The following CAST variants were observed in gnomAD, a reference collection of about 807,000 sequenced individuals.
The protein encoded by CAST is calpastatin.
CAST carries 76 observed loss-of-function variants against 119.6 expected under a neutral mutation model. The ratio of observed to expected loss-of-function variants is 0.64; its 90% CI spans 0.53 to 0.77. CAST has a LOEUF of 0.77. CAST is among the 30% of genes least tolerant of loss of function. CAST has a pLI of 0.00. For missense variants in CAST, 953 were observed against 946.5 expected, an observed-to-expected ratio of 1.01 and a Z score of -0.09; for synonymous variants, 319 against 331.6, an observed-to-expected ratio of 0.96 and a Z score of 0.41.
At chr5:95,965,157 G>A in the CAST span, 1 of 152,254 alleles carries the variant, frequency 6.6e-6, no homozygotes, top group Admixed American at 6.5e-5. Context: ...GAGCTGGGAG[G>A]TTTAAAGGGC....
the CAST span, chr5:96,421,793 T>A: frequency 1.2e-6 from 1 of 822,822 alleles, no homozygotes; most frequent in Non-Finnish European, 2.2e-6. Flanking sequence ...AGCACTGGAA[T>A]GTGGATGAAA....
chr5:96,576,586 C>T (rs540106267), intron 1 of CAST, among the ~76,000 whole-genome samples: 111 of 152,150 alleles, frequency 7.3e-4, no homozygotes, highest in African/African-American at 2.6e-3. Flanking sequence ...CTCAAGTGAT[C>T]CACTGGCCTC....
At chr5:96,729,549 A>G (rs771889641) in intron 7 of CAST, 63 bp from the exon 8 acceptor site, 1 of 753,922 alleles carries the variant, frequency 1.3e-6, no homozygotes, top group East Asian at 2.5e-5. Context: ...TATTATGTTT[A>G]AGACTACCAT....
chr5:96,097,778 G>C, the CAST span, among the ~76,000 whole-genome samples: 5 of 152,178 alleles, frequency 3.3e-5, no homozygotes, highest in Admixed American at 2.6e-4. Flanking sequence ...TGCAAATAGT[G>C]TTGCAATGAA....
chr5:96,368,621 ATC>A, the CAST span, among the ~76,000 whole-genome samples: 7 of 152,010 alleles, frequency 4.6e-5, no homozygotes, highest in African/African-American at 1.7e-4. Flanking sequence ...GAAGTGGCTG[ATC>A]TCTCAGCCTG....
intron 31 of CAST, chr5:96,772,100 G>GT (rs1772604401): frequency 6.4e-6 from 1 of 155,486 alleles, no homozygotes; most frequent in South Asian, 2.0e-4. Flanking sequence ...CCAATACATG[G>GT]TGGGGTGGGG....
At chr5:96,768,303 C>T (rs945464781) in intron 29 of CAST, 14 of 408,936 alleles carry the variant, frequency 3.4e-5, no homozygotes, top group South Asian at 1.9e-4. Flanking sequence ...AGGCTGGTCT[C>T]GAGCTCTTGG....
At chr5:96,505,792 G>T in the CAST span, among the ~76,000 whole-genome samples, 2 of 152,274 alleles carry the variant, frequency 1.3e-5, no homozygotes, top group Admixed American at 1.3e-4. Flanking sequence ...CCGCCAGCTG[G>T]GTGGAAGCTA....
chr5:96,695,623 A>G (rs1310335907), intron 2 of CAST, among the ~76,000 whole-genome samples: 1 of 152,160 alleles, frequency 6.6e-6, no homozygotes, highest in Non-Finnish European at 1.5e-5. Flanking sequence ...ATATTGAACA[A>G]TTGAGACTTA....
chr5:96,070,481 G>A, the CAST span, among the ~76,000 whole-genome samples: 4 of 152,278 alleles, frequency 2.6e-5, no homozygotes, highest in East Asian at 1.9e-4. Context: ...CAGAATGCAC[G>A]TTCACAAGAT....
chr5:96,045,485 T>C, the CAST span, among the ~76,000 whole-genome samples: 1 of 152,282 alleles, frequency 6.6e-6, no homozygotes, highest in East Asian at 1.9e-4. Context: ...ACTTGCAAAA[T>C]AGCATTCACT....
the CAST span, among the ~76,000 whole-genome samples, chr5:96,425,021 AAAGAAAGAAAGAAAGAAAG>A: frequency 1.6e-5 from 1 of 63,484 alleles, no homozygotes; most frequent in Non-Finnish European, 3.5e-5. Context: ...AGAAAGAAAG[AAAGAAAGAAAGAAAGAAAG>A]AAAGAAAGAA....
intron 1 of CAST, among the ~76,000 whole-genome samples, chr5:96,582,583 G>A (rs988975562): frequency 1.3e-5 from 2 of 152,200 alleles, no homozygotes; most frequent in African/African-American, 4.8e-5. Flanking sequence ...AATGTACTCA[G>A]GAAGGGGAGA....
the CAST span, chr5:96,408,395 CTG>C: frequency 1.9e-6 from 2 of 1,077,270 alleles, no homozygotes; most frequent in Non-Finnish European, 2.8e-6. Context: ...TGGGGGTTAA[CTG>C]TACCAAAGGC....
At chr5:96,232,574 A>T in the CAST span, among the ~76,000 whole-genome samples, 1 of 152,126 alleles carries the variant, frequency 6.6e-6, no homozygotes, top group Non-Finnish European at 1.5e-5. Context: ...TAACAATCAA[A>T]ATTTAATACG....
At chr5:96,736,451 T>C (rs531181945) in intron 10 of CAST, among the ~76,000 whole-genome samples, 1 of 141,486 alleles carries the variant, frequency 7.1e-6, no homozygotes, top group Non-Finnish European at 1.6e-5. Context: ...AACCCCTTTT[T>C]TAAAAAAAAA....
the CAST span, chr5:96,415,906 C>A: frequency 2.8e-6 from 2 of 702,986 alleles, no homozygotes; most frequent in Non-Finnish European, 5.2e-6. Context: ...AGTCCTGTAG[C>A]AACTTTGGCA....
the CAST span, among the ~76,000 whole-genome samples, chr5:96,301,637 G>A: frequency 6.6e-6 from 1 of 152,218 alleles, no homozygotes; most frequent in South Asian, 2.1e-4. Context: ...GAAACAAAGG[G>A]GCTACAGGCC....
the CAST span, among the ~76,000 whole-genome samples, chr5:96,043,098 T>C: frequency 6.6e-6 from 1 of 152,228 alleles, no homozygotes; most frequent in South Asian, 2.1e-4. Flanking sequence ...TGACTAATAG[T>C]ATATCTGAAA....
Sources: gnomAD v4.1 joint callset for allele counts (sites outside exome capture counted in the v4.1 genomes callset) on GRCh38, gnomAD v4.1.1 for gene constraint, MANE v1.5 for transcripts, NCBI Gene and HGNC (gene_info 2026-07-23, HGNC 2026-07-21) for gene names.